Variants in ARB2A observed in about 807,000 individuals in gnomAD.
The protein encoded by ARB2A is ARB2 cotranscriptional regulator A.
chr5:93,763,005 T>C, the ARB2A span, among the ~76,000 whole-genome samples: 2 of 147,512 alleles, frequency 1.4e-5, no homozygotes, highest in Non-Finnish European at 3.0e-5. Flanking sequence ...AAATGCTGAG[T>C]GATTTTGTCA....
the ARB2A span, among the ~76,000 whole-genome samples, chr5:94,089,826 T>C: frequency 1.3e-5 from 2 of 152,216 alleles, no homozygotes; most frequent in Non-Finnish European, 2.9e-5. Context: ...GGTAGTTATA[T>C]ACTATACAAT....
chr5:93,632,997 A>G, the ARB2A span, among the ~76,000 whole-genome samples: 1 of 152,100 alleles, frequency 6.6e-6, no homozygotes, highest in East Asian at 1.9e-4. Flanking sequence ...ATAATATTCC[A>G]TTTCTGCAAT....
At chr5:93,794,206 T>C in the ARB2A span, among the ~76,000 whole-genome samples, 2 of 152,098 alleles carry the variant, frequency 1.3e-5, no homozygotes, top group African/African-American at 2.4e-5. Flanking sequence ...CTTGTTTGAT[T>C]CCATTGCTGA....
chr5:93,943,369 T>G, the ARB2A span, among the ~76,000 whole-genome samples: 3 of 152,106 alleles, frequency 2.0e-5, no homozygotes, highest in Non-Finnish European at 4.4e-5. Context: ...AAAAAAAGCA[T>G]CAAAGTCTGT....
chr5:93,911,710 T>C, the ARB2A span, among the ~76,000 whole-genome samples: 5 of 151,590 alleles, frequency 3.3e-5, no homozygotes, highest in African/African-American at 1.2e-4. Flanking sequence ...TTTTAATCCG[T>C]GTCTGAGATC....
At chr5:93,744,801 C>G in the ARB2A span, among the ~76,000 whole-genome samples, 2 of 152,162 alleles carry the variant, frequency 1.3e-5, no homozygotes, top group African/African-American at 4.8e-5. Flanking sequence ...AATCCACCAC[C>G]TTCAACAAAA....
chr5:93,906,820 G>C, the ARB2A span, among the ~76,000 whole-genome samples: 2 of 151,424 alleles, frequency 1.3e-5, no homozygotes, highest in African/African-American at 4.8e-5. Context: ...CCAGGAATCG[G>C]AGCAAAATTT....
the ARB2A span, among the ~76,000 whole-genome samples, chr5:93,775,735 A>C: frequency 6.6e-6 from 1 of 152,182 alleles, no homozygotes; most frequent in Non-Finnish European, 1.5e-5. Context: ...AACCAACTAA[A>C]ATCTTTGCAT....
the ARB2A span, among the ~76,000 whole-genome samples, chr5:94,078,554 CA>C: frequency 6.6e-6 from 1 of 152,108 alleles, no homozygotes; most frequent in African/African-American, 2.4e-5. Context: ...TCAGGCTGAG[CA>C]GACACGAGAC....
the ARB2A span, among the ~76,000 whole-genome samples, chr5:93,924,244 G>A: frequency 6.6e-6 from 1 of 152,088 alleles, no homozygotes; most frequent in Non-Finnish European, 1.5e-5. Flanking sequence ...ACAAAAGGGT[G>A]TGAAGAAGGG....
At chr5:93,684,655 T>G in the ARB2A span, among the ~76,000 whole-genome samples, 2 of 152,186 alleles carry the variant, frequency 1.3e-5, no homozygotes, top group Non-Finnish European at 2.9e-5. Context: ...GTGATTGAGT[T>G]TTATTTATTT....
the ARB2A span, among the ~76,000 whole-genome samples, chr5:93,647,130 G>T: frequency 6.6e-6 from 1 of 151,978 alleles, no homozygotes; most frequent in African/African-American, 2.4e-5. Context: ...CATTGATAAG[G>T]TATTTTTTAC....
At chr5:94,081,228 C>T in the ARB2A span, among the ~76,000 whole-genome samples, 1 of 152,104 alleles carries the variant, frequency 6.6e-6, no homozygotes, top group African/African-American at 2.4e-5. Flanking sequence ...TGATATATTG[C>T]TAGTGTGACA....
the ARB2A span, among the ~76,000 whole-genome samples, chr5:93,866,409 C>A: frequency 2.6e-4 from 40 of 152,102 alleles, no homozygotes; most frequent in Admixed American, 9.2e-4. Context: ...GCACTTATAC[C>A]TTTCCCTGCC....
the ARB2A span, among the ~76,000 whole-genome samples, chr5:93,867,972 C>A: frequency 6.6e-6 from 1 of 152,012 alleles, no homozygotes; most frequent in Non-Finnish European, 1.5e-5. Context: ...ATGCTCCAAA[C>A]AAATAAATCT....
the ARB2A span, among the ~76,000 whole-genome samples, chr5:93,851,763 T>C: frequency 6.6e-6 from 1 of 152,158 alleles, no homozygotes; most frequent in Admixed American, 6.5e-5. Context: ...TTCATCCATG[T>C]CCCTACAAAG....
the ARB2A span, chr5:93,740,667 T>G: frequency 6.2e-7 from 1 of 1,613,928 alleles, no homozygotes; most frequent in Non-Finnish European, 8.5e-7. Flanking sequence ...GGATATCCAC[T>G]GGGAGCCCCA....
At chr5:93,950,033 T>C in the ARB2A span, among the ~76,000 whole-genome samples, 3 of 152,200 alleles carry the variant, frequency 2.0e-5, no homozygotes, top group Non-Finnish European at 4.4e-5. Flanking sequence ...TTGTTGCAAA[T>C]GACAGGATCT....
At chr5:94,068,545 C>G in the ARB2A span, among the ~76,000 whole-genome samples, 1 of 152,150 alleles carries the variant, frequency 6.6e-6, no homozygotes, top group Admixed American at 6.5e-5. Flanking sequence ...ACTGCCAGTT[C>G]GAATGCCTGG....
Sources: allele counts gnomAD v4.1 joint callset (sites outside exome capture counted in the v4.1 genomes callset), GRCh38; gene constraint gnomAD v4.1.1; transcripts MANE v1.5; gene names NCBI Gene and HGNC (gene_info 2026-07-23, HGNC 2026-07-21).